The following SFSWAP variants were observed in gnomAD, a reference collection of about 807,000 sequenced individuals.
SFSWAP encodes splicing factor SWAP.
SFSWAP carries 17 observed loss-of-function variants against 100.7 expected under a neutral mutation model. That is an observed-to-expected ratio of 0.17 (90% CI 0.12 to 0.25). The LOEUF (loss-of-function observed/expected upper bound fraction) is 0.25, where lower values mean the gene tolerates loss of function less well. Ranked by LOEUF, SFSWAP falls within the 10% of genes least tolerant of loss-of-function variation. The pLI, the probability that SFSWAP is intolerant of heterozygous loss-of-function variation, is 1.00. For synonymous variants in SFSWAP, 504 were observed against 510.1 expected, an observed-to-expected ratio of 0.99 and a Z score of 0.16; for missense variants, 1,005 against 1,262.6, an observed-to-expected ratio of 0.80 and a Z score of 3.09.
intron 15 of SFSWAP, among the ~76,000 whole-genome samples, chr12:131,795,740 G>A (rs1247715432): frequency 2.0e-5 from 3 of 151,640 alleles, no homozygotes; most frequent in Admixed American, 6.6e-5. Flanking sequence ...AGAATCATAA[G>A]GGAGGCCAGA....
At position 131,778,627 on chromosome 12, in the gene SFSWAP, C is replaced by T. The variant is rs370052673; in HGVS notation, c.2408+297C>T. Among the ~76,000 whole-genome samples, 1 of 152,288 alleles carries T rather than the reference C, an allele frequency of 6.6e-6. No individual in the cohort carries two copies. Among genetic ancestry groups the T allele is most frequent in the Admixed American group, 6.5e-5 (1 of 15,298 alleles). On this transcript the variant is annotated intron_variant, in intron 14 of 17. Coordinates refer to ENST00000261674, the MANE Select transcript of SFSWAP (RefSeq NM_004592.4). The surrounding 1 kb of genome is among the most constrained non-coding windows in gnomAD (Gnocchi z 4.2). Reference sequence around the variant, plus strand: ...CCGCTTCCCAGGTTCAAGTGATTCTCCTGCCTCAGCCTCCTGAGTAGCTGG... The same window carrying T: ...CCGCTTCCCAGGTTCAAGTGATTCTTCTGCCTCAGCCTCCTGAGTAGCTGG...
chr12:131,799,565 C>A lies in SFSWAP; in HGVS notation c.*77C>A. 8.1e-7 allele frequency: 1 copy of A among 1,235,780 alleles called. No individual in the cohort carries two copies. The highest frequency in any genetic ancestry group is 1.2e-6 in the Non-Finnish European group (1 of 865,620). The allele number at this position is 1,235,780 out of a possible 1,614,324, so 76.6% of individuals were successfully genotyped here. ...CTCACGCAGACGCCGGCCACACCAT[C>A]CACCTGGCCGCCTCCATGGACCCTT... On this transcript the variant is annotated 3_prime_UTR_variant, in exon 18 of 18. Coordinates refer to ENST00000261674, the MANE Select transcript of SFSWAP (RefSeq NM_004592.4).
rs1426593055 is a variant in SFSWAP, at chr12:131,711,213, A to G, written c.-17A>G. On this transcript the variant is annotated 5_prime_UTR_variant, in exon 1 of 18. Transcript: ENST00000261674. This position sits in a 1 kb window ranked among gnomAD's most constrained non-coding sequence, Gnocchi z 4.9. ...GCGGCACAGAAGAGGACCAGCCTGG[A>G]CGCCGGGGACGCTGTCATGTACGGC... 1 of 1,573,588 alleles carries G rather than the reference A, an allele frequency of 6.4e-7. No homozygotes were observed. The highest frequency in any genetic ancestry group is 8.6e-7 in the Non-Finnish European group (1 of 1,163,008).
intron 7 of SFSWAP, among the ~76,000 whole-genome samples, chr12:131,737,500 T>G (rs1293844181): frequency 1.3e-5 from 2 of 152,204 alleles, no homozygotes; most frequent in African/African-American, 2.4e-5. Flanking sequence ...TCCTTACAAC[T>G]CTGTATTTTA....
chr12:131,752,104 A>G (rs116731054), intron 7 of SFSWAP, among the ~76,000 whole-genome samples: 1,905 of 152,336 alleles, frequency 0.013, 46 homozygotes, highest in African/African-American at 0.042. Context: ...AGGTCAAGAT[A>G]GTCTAAGTTG....
At chr12:131,786,674 A>C in intron 15 of SFSWAP, 86 bp downstream of exon 15, 4 of 1,433,220 alleles carry the variant, frequency 2.8e-6, no homozygotes, top group Non-Finnish European at 3.7e-6. Flanking sequence ...GGTATCTGTG[A>C]GCAGAGCTGT....
chr12:131,715,569 C>CA (rs1449453790), intron 3 of SFSWAP, among the ~76,000 whole-genome samples: 2 of 152,240 alleles, frequency 1.3e-5, no homozygotes, highest in African/African-American at 4.8e-5. Context: ...GTAGTATAGA[C>CA]ACAAATATCC....
At chr12:131,772,703 C>G (rs1446501063) in intron 13 of SFSWAP, among the ~76,000 whole-genome samples, 1 of 152,172 alleles carries the variant, frequency 6.6e-6, no homozygotes, top group Non-Finnish European at 1.5e-5. Context: ...CCCCTGGAGC[C>G]TCAGAAAGCC....
chr12:131,714,559 A>G lies in SFSWAP; in HGVS notation c.389-263A>G, dbSNP rs1565999263. On this transcript the variant is annotated intron_variant, in intron 2 of 17. Coordinates refer to ENST00000261674, the MANE Select transcript of SFSWAP (RefSeq NM_004592.4). This position sits in a 1 kb window ranked among gnomAD's most constrained non-coding sequence, Gnocchi z 6.0. ...CTTGTCTTTGCCGTAACAGTCTTTAATACAGTTCTTAATCCCAAAATTTTC... is the reference window on the plus strand; with the variant it reads ...CTTGTCTTTGCCGTAACAGTCTTTAGTACAGTTCTTAATCCCAAAATTTTC... 5.8e-6 allele frequency: 3 copies of G among 513,402 alleles called. No individual in the cohort carries two copies. The highest frequency in any genetic ancestry group is 6.9e-6 in the Non-Finnish European group (2 of 288,356). 31.8% of individuals were successfully genotyped at this position (513,402 alleles called of 1,614,324 possible). A position where few individuals can be genotyped will look rare whatever the true frequency, so the allele number is the denominator to read the frequency against.
At chr12:131,790,651 G>C (rs1566060531) in intron 15 of SFSWAP, among the ~76,000 whole-genome samples, 1 of 152,156 alleles carries the variant, frequency 6.6e-6, no homozygotes, top group Admixed American at 6.5e-5. Context: ...ACTTCAACAA[G>C]ATGTCCCGGT....
At chr12:131,764,949 G>A (rs563712964) in intron 12 of SFSWAP, among the ~76,000 whole-genome samples, 1 of 152,306 alleles carries the variant, frequency 6.6e-6, no homozygotes, top group Non-Finnish European at 1.5e-5. Context: ...GCTCTAATGC[G>A]CCACAGTGGA....
At chr12:131,723,144 A>G (rs1418900313) in intron 4 of SFSWAP, 1 of 152,096 alleles carries the variant, frequency 6.6e-6, no homozygotes, top group Admixed American at 6.5e-5. Flanking sequence ...TTAGAGCATT[A>G]TTTCATCATA....
chr12:131,753,471 G>A (rs892702052), intron 8 of SFSWAP, 108 bp downstream of exon 8: 1 of 1,371,804 alleles, frequency 7.3e-7, no homozygotes, highest in African/African-American at 1.5e-5. Flanking sequence ...ATATACAGGG[G>A]TCCCCATTGT....
chr12:131,799,344 C>T (rs1405266964), intron 17 of SFSWAP, 79 bp from the exon 18 acceptor site: 1 of 1,457,182 alleles, frequency 6.9e-7, no homozygotes, highest in Non-Finnish European at 9.6e-7. Context: ...TGACCACCAA[C>T]TCGTTGATGA....
intron 13 of SFSWAP, among the ~76,000 whole-genome samples, chr12:131,769,719 C>G (rs565959304): frequency 6.6e-6 from 1 of 152,118 alleles, no homozygotes; most frequent in South Asian, 2.1e-4. Context: ...CTCCGCCTCC[C>G]GGGTTCACAC....
intron 14 of SFSWAP, among the ~76,000 whole-genome samples, chr12:131,779,337 C>T (rs1293767498): frequency 6.7e-6 from 1 of 149,122 alleles, no homozygotes; most frequent in Non-Finnish European, 1.5e-5. Context: ...TCCTCTCCAC[C>T]CTCCCTCCAG....
intron 15 of SFSWAP, among the ~76,000 whole-genome samples, chr12:131,789,205 A>G (rs1293562400): frequency 6.6e-6 from 1 of 152,054 alleles, no homozygotes; most frequent in Admixed American, 6.6e-5. Flanking sequence ...TGGTCTCAAA[A>G]TCCTGAGCTC....
At chr12:131,735,291 G>C (rs1879902933) in intron 7 of SFSWAP, among the ~76,000 whole-genome samples, 1 of 152,248 alleles carries the variant, frequency 6.6e-6, no homozygotes, top group Non-Finnish European at 1.5e-5. Context: ...AGCCTTTGCA[G>C]TTGGGCTTTG....
At chr12:131,737,394 G>A (rs927642512) in intron 7 of SFSWAP, among the ~76,000 whole-genome samples, 1 of 152,204 alleles carries the variant, frequency 6.6e-6, no homozygotes. Context: ...GCCCGTTTGC[G>A]CTGCTTGCAT....
Sources: gnomAD v4.1 joint callset for allele counts (sites outside exome capture counted in the v4.1 genomes callset) on GRCh38, gnomAD v4.1.1 for gene constraint, Gnocchi (gnomAD v3.1) non-coding constraint, MANE v1.5 for transcripts, NCBI Gene and HGNC (gene_info 2026-07-23, HGNC 2026-07-21) for gene names.